NPHP1: variants seen among roughly 807,000 people sequenced by gnomAD.
NPHP1 encodes nephrocystin-1.
A neutral mutation model predicts 90.4 loss-of-function variants in NPHP1; 70 were observed. The observed-to-expected ratio is 0.77, with a 90% CI of 0.64 to 0.95. The LOEUF is 0.95. Among genes scored for constraint, NPHP1 ranks in the 40% least tolerant of loss-of-function variants. The probability of loss-of-function intolerance (pLI) is 0.00; values close to 1 mark genes in which losing one functional copy is unlikely to be tolerated. For synonymous variants in NPHP1, 256 were observed against 271.7 expected (o/e 0.94, Z 0.57); for missense variants, 764 against 795.9 (o/e 0.96, Z 0.48).
In NPHP1 at chr2:110,129,202, A is replaced by AC; in HGVS notation, c.1699dup (p.Val567GlyfsTer37). ...GCTACCCACCCTGAGAGCATCCATC[A>AC]CATCAGGCTGCTCCAAGAGCATGGG... On this transcript the variant is annotated frameshift_variant, in exon 18 of 20. Coordinates refer to ENST00000445609, the MANE Select transcript of NPHP1 (RefSeq NM_001128178.3). LOFTEE classifies it high-confidence loss of function. 6.2e-7 allele frequency: 1 copy of AC among 1,612,906 alleles called. No individual in the cohort carries two copies. The highest frequency in any genetic ancestry group is 8.5e-7 in the Non-Finnish European group (1 of 1,179,044).
chr2:110,161,754 A>T, intron 9 of NPHP1, 57 bp from the exon 10 acceptor site: 1 of 1,292,500 alleles, frequency 7.7e-7, no homozygotes, highest in African/African-American at 1.5e-5. Flanking sequence ...CAAATCAAAA[A>T]TCCATAATGT....
chr2:110,125,053 G>T, intron 19 of NPHP1: 1 of 668,050 alleles, frequency 1.5e-6, no homozygotes, highest in Non-Finnish European at 2.3e-6. Flanking sequence ...TATTGTCTGT[G>T]GCTGCTTTTG....
rs1208490063 is a variant in NPHP1 at position 110,204,972 on chromosome 2, C to A, written c.-4G>T. 3 of 1,613,946 alleles carry A rather than the reference C, an allele frequency of 1.9e-6. No homozygotes were observed. In the South Asian group the frequency reaches 3.3e-5, roughly 18 times the overall value. On this transcript the variant is annotated 5_prime_UTR_variant, in exon 1 of 20. Transcript: ENST00000445609. Reference sequence around the variant, plus strand: ...CTCGCTGTCGTCTCGCCAGCATCTCCCTGGCTGCGGTGCTCTGATTGCTCC... The same window carrying A: ...CTCGCTGTCGTCTCGCCAGCATCTCACTGGCTGCGGTGCTCTGATTGCTCC...
chr2:110,160,239 C>G lies in NPHP1; in HGVS notation c.971G>C (p.Ser324Thr). The change falls in exon 11 of 20, where the codon AGT becomes ACT. Residue 324 changes from serine to threonine, a missense_variant. Coordinates refer to ENST00000445609, the MANE Select transcript of NPHP1 (RefSeq NM_001128178.3). ...ATEGTIRSRP[S>T]RISLILTLWS... ...TAATGTCAGAATCAATGAAATACGA[C>G]TTGGTCTCGACCTAATCTGAAAGAA... 1 of 1,610,818 alleles carries G rather than the reference C, an allele frequency of 6.2e-7. No homozygotes were observed. The highest frequency in any genetic ancestry group is 8.5e-7 in the Non-Finnish European group (1 of 1,177,154).
intron 2 of NPHP1, among the ~76,000 whole-genome samples, chr2:110,198,765 C>A (rs2104703706): frequency 1.3e-5 from 2 of 151,316 alleles, no homozygotes; most frequent in Middle Eastern, 3.4e-3. Context: ...AAATTTCATT[C>A]TTATTCAGGG....
intron 4 of NPHP1, among the ~76,000 whole-genome samples, chr2:110,176,795 A>T (rs967593359): frequency 6.6e-5 from 10 of 152,186 alleles, no homozygotes; most frequent in Admixed American, 1.3e-4. Flanking sequence ...CTTTACTAGA[A>T]CTAGGTACAA....
Position 110,184,487 on chromosome 2 carries a change from G to C in NPHP1, c.144-4803C>G, listed in dbSNP as rs964322444. 6 of 912,608 alleles carry C rather than the reference G, an allele frequency of 6.6e-6. No individual in the cohort carries two copies. In the Admixed American group the frequency reaches 1.3e-4, roughly 19 times the overall value. The allele number at this position is 912,608 out of a possible 1,614,324, so 56.5% of individuals were successfully genotyped here. On this transcript the variant is annotated intron_variant, in intron 2 of 19. Transcript: ENST00000445609. The stretch of plus-strand genomic sequence containing the variant: ...CTATTTTCATCTCCATGTAAGCTGT[G>C]CTCAGCCTTTATGCCACAGGCAGGA...
At chr2:110,179,763 C>T in intron 2 of NPHP1, 79 bp from the exon 3 acceptor site, 3 of 701,826 alleles carry the variant, frequency 4.3e-6, no homozygotes, top group Admixed American at 2.3e-5. Context: ...ATCATTCAGT[C>T]GTTGAGCAGG....
At chr2:110,187,123 A>G (rs953741357) in intron 2 of NPHP1, among the ~76,000 whole-genome samples, 10 of 152,276 alleles carry the variant, frequency 6.6e-5, no homozygotes, top group African/African-American at 1.9e-4. Flanking sequence ...CTAGAGAACC[A>G]AGAGCAAACA....
intron 5 of NPHP1, among the ~76,000 whole-genome samples, chr2:110,168,895 T>C (rs906164271): frequency 6.6e-6 from 1 of 152,166 alleles, no homozygotes; most frequent in African/African-American, 2.4e-5. Flanking sequence ...TTTTTGAATG[T>C]TTTAATATCT....
At chr2:110,183,971 T>G in intron 2 of NPHP1, 1 of 342,436 alleles carries the variant, frequency 2.9e-6, no homozygotes, top group Non-Finnish European at 5.8e-6. Context: ...TGCAATCAAA[T>G]TAGAACTCAA....
chr2:110,175,198 G>A (rs1683422579), intron 4 of NPHP1, among the ~76,000 whole-genome samples: 1 of 151,956 alleles, frequency 6.6e-6, no homozygotes, highest in Non-Finnish European at 1.5e-5. Context: ...AGAATCAACT[G>A]GATATTATAA....
At chr2:110,162,001 T>C (rs929860275) in intron 9 of NPHP1, among the ~76,000 whole-genome samples, 2 of 152,130 alleles carry the variant, frequency 1.3e-5, no homozygotes, top group African/African-American at 2.4e-5. Context: ...CAGAAATCTA[T>C]GAGCACTTTT....
intron 16 of NPHP1, among the ~76,000 whole-genome samples, chr2:110,135,476 C>CAAA (rs66696927): frequency 4.0e-4 from 6 of 15,110 alleles, no homozygotes; most frequent in African/African-American, 9.1e-4. Flanking sequence ...GACCCCGTCT[C>CAAA]AAAAAAAAAA....
chr2:110,153,834 T>A (rs1681675318), intron 11 of NPHP1, among the ~76,000 whole-genome samples: 1 of 151,914 alleles, frequency 6.6e-6, no homozygotes. Flanking sequence ...ATACAAAAAA[T>A]TAGCTGGGTG....
chr2:110,151,168 G>GAAAAAAAAAA, intron 11 of NPHP1, among the ~76,000 whole-genome samples: 1 of 116,478 alleles, frequency 8.6e-6, no homozygotes, highest in Non-Finnish European at 1.7e-5. Context: ...TCAGTCTCAA[G>GAAAAAAAAAA]AAAAAAAAAA....
chr2:110,165,549 T>C (rs1682670382), intron 6 of NPHP1, among the ~76,000 whole-genome samples: 1 of 152,034 alleles, frequency 6.6e-6, no homozygotes, highest in African/African-American at 2.4e-5. Flanking sequence ...GGGGAAGCCC[T>C]TTCCAATCAT....
At chr2:110,124,988 A>G in intron 19 of NPHP1, 1 of 441,006 alleles carries the variant, frequency 2.3e-6, no homozygotes, top group Non-Finnish European at 3.9e-6. Flanking sequence ...GTGGACTCTC[A>G]CCTCTTTTCA....
intron 16 of NPHP1, among the ~76,000 whole-genome samples, chr2:110,136,092 T>C (rs1171007553): frequency 1.3e-5 from 2 of 152,132 alleles, no homozygotes; most frequent in African/African-American, 4.8e-5. Context: ...TCTCAATAGA[T>C]GCAGAAAAGG....
Sources: gnomAD v4.1 joint callset for allele counts (sites outside exome capture counted in the v4.1 genomes callset) on GRCh38, gnomAD v4.1.1 for gene constraint, MANE v1.5 for transcripts, NCBI Gene and HGNC (gene_info 2026-07-23, HGNC 2026-07-21) for gene names.